Variants in RAD51B observed in about 807,000 individuals in gnomAD.
RAD51B encodes DNA repair protein RAD51 homolog 2.
In RAD51B, 38 loss-of-function variants were observed where a neutral mutation model predicts 42.2. The ratio of observed to expected loss-of-function variants is 0.90; its 90% confidence interval spans 0.70 to 1.18. The LOEUF (loss-of-function observed/expected upper bound fraction) is 1.18, where lower values mean the gene tolerates loss of function less well. Ranked by LOEUF, RAD51B falls within the 50% of genes most tolerant of loss-of-function variation. RAD51B has a pLI of 0.00. For synonymous variants in RAD51B, 154 were observed against 145.2 expected, an observed-to-expected ratio of 1.06 and a Z score of -0.43; for missense variants, 373 against 400.7, an observed-to-expected ratio of 0.93 and a Z score of 0.59.
chr14:68,093,257 A>G (rs903788577), intron 7 of RAD51B, among the ~76,000 whole-genome samples: 1 of 152,178 alleles, frequency 6.6e-6, no homozygotes, highest in African/African-American at 2.4e-5. Flanking sequence ...ATTGATAGGA[A>G]TAGTTTCAGA....
At chr14:68,613,666 G>A (rs1011675096), downstream of RAD51B, among the ~76,000 whole-genome samples, 3 of 151,918 alleles carry the variant, frequency 2.0e-5, no homozygotes, top group Non-Finnish European at 4.4e-5. Flanking sequence ...GTGTTAGCCA[G>A]GATGGTCTCG....
chr14:68,315,921 AG>A (rs1238901866), intron 8 of RAD51B, among the ~76,000 whole-genome samples: 1 of 152,238 alleles, frequency 6.6e-6, no homozygotes, highest in African/African-American at 2.4e-5. Flanking sequence ...AATATTAACT[AG>A]GGCTTATCTG....
rs146379088 is a variant in RAD51B, at chr14:68,172,443, C to G, written c.757-119441C>G. ...CTAATTTGGAGAATAAGAAGGTTAG[C>G]TAGATTAAGAGGCTTTCCTAAGTCA... On this transcript the variant is annotated intron_variant, in intron 7 of 10. Transcript: ENST00000471583. 3.7e-3 allele frequency among the ~76,000 whole-genome samples: 562 copies of G among 152,274 alleles called. 1 individual carries two copies. The highest frequency in any genetic ancestry group is 6.8e-3 in the Middle Eastern group (2 of 294).
intron 7 of RAD51B, among the ~76,000 whole-genome samples, chr14:67,977,130 T>C (rs2075011063): frequency 6.6e-6 from 1 of 152,244 alleles, no homozygotes; most frequent in African/African-American, 2.4e-5. Context: ...TGCCTTTCTT[T>C]ATTTTTAATT....
chr14:68,048,883 A>G (rs1222011335), intron 7 of RAD51B, among the ~76,000 whole-genome samples: 1 of 152,222 alleles, frequency 6.6e-6, no homozygotes, highest in Non-Finnish European at 1.5e-5. Flanking sequence ...AATATAAATC[A>G]TTCTGCTATA....
At chr14:68,492,275 C>T (rs79641695) in intron 10 of RAD51B, among the ~76,000 whole-genome samples, 21,221 of 152,202 alleles carry the variant, frequency 0.14, 2,000 homozygotes, top group Non-Finnish European at 0.21. Flanking sequence ...AAGTACTTAT[C>T]GCTATACAAG....
At chr14:68,422,209 A>G (rs1326358482) in intron 9 of RAD51B, 8 of 1,030,500 alleles carry the variant, frequency 7.8e-6, no homozygotes, top group Non-Finnish European at 1.2e-5. Flanking sequence ...CTAATAGTAC[A>G]CGGTTTTCCT....
intron 10 of RAD51B, among the ~76,000 whole-genome samples, chr14:68,554,077 C>G (rs1459567395): frequency 6.6e-6 from 1 of 152,130 alleles, no homozygotes; most frequent in African/African-American, 2.4e-5. Context: ...GTGGGTCCCC[C>G]ATTTTCAAAG....
intron 7 of RAD51B, among the ~76,000 whole-genome samples, chr14:67,960,480 T>G (rs2074641229): frequency 6.6e-6 from 1 of 152,172 alleles, no homozygotes; most frequent in African/African-American, 2.4e-5. Flanking sequence ...AAAAATAGAT[T>G]TTTGTTCTAG....
chr14:68,023,415 C>T (rs539045236), intron 7 of RAD51B, among the ~76,000 whole-genome samples: 1 of 152,138 alleles, frequency 6.6e-6, no homozygotes, highest in Non-Finnish European at 1.5e-5. Flanking sequence ...GCAACCTCCG[C>T]CTCCCAGGTT....
chr14:68,438,834 T>G (rs77091920), intron 9 of RAD51B, among the ~76,000 whole-genome samples: 8,293 of 152,260 alleles, frequency 0.054, 711 homozygotes, highest in African/African-American at 0.18. Context: ...TGTCTCCCTC[T>G]CCACTGAATT....
At chr14:68,591,583 C>T (rs1263605900) in intron 10 of RAD51B, among the ~76,000 whole-genome samples, 1 of 152,186 alleles carries the variant, frequency 6.6e-6, no homozygotes, top group Non-Finnish European at 1.5e-5. Flanking sequence ...GCTCTTCTTC[C>T]CTGGGCCTCT....
intron 8 of RAD51B, among the ~76,000 whole-genome samples, chr14:68,297,619 G>T (rs2081640017): frequency 6.6e-6 from 1 of 152,164 alleles, no homozygotes; most frequent in Non-Finnish European, 1.5e-5. Context: ...TCCACTCCTT[G>T]GGGGTATGGT....
intron 7 of RAD51B, among the ~76,000 whole-genome samples, chr14:68,129,445 C>A (rs1409949433): frequency 2.0e-5 from 3 of 152,216 alleles, no homozygotes; most frequent in Admixed American, 6.5e-5. Context: ...CTACATTGTA[C>A]CTAGTGTCTG....
At chr14:68,608,034 G>A (rs556658589) in intron 10 of RAD51B, among the ~76,000 whole-genome samples, 6 of 152,342 alleles carry the variant, frequency 3.9e-5, no homozygotes, top group African/African-American at 1.4e-4. Context: ...GAGGCCAAAG[G>A]TTCTGAGAGG....
intron 4 of RAD51B, among the ~76,000 whole-genome samples, chr14:67,860,171 C>A (rs373540539): frequency 6.6e-6 from 1 of 152,080 alleles, no homozygotes; most frequent in South Asian, 2.1e-4. Context: ...GCATAGAAAT[C>A]TTTGAAGATG....
chr14:67,882,156 A>G (rs938174545), intron 5 of RAD51B, among the ~76,000 whole-genome samples: 4 of 151,966 alleles, frequency 2.6e-5, no homozygotes, highest in African/African-American at 9.7e-5. Flanking sequence ...AATTTTTAGT[A>G]CAGATAAGGT....
intron 4 of RAD51B, among the ~76,000 whole-genome samples, chr14:67,849,812 T>C (rs1329119809): frequency 1.6e-4 from 25 of 152,232 alleles, no homozygotes; most frequent in Admixed American, 1.6e-3. Flanking sequence ...TTCAGTCTTT[T>C]CTTTTATATC....
At position 68,291,868 on chromosome 14, in the gene RAD51B, C is replaced by A; in HGVS notation, c.757-16C>A. The A allele has an allele frequency of 6.3e-7, 1 of 1,596,784 alleles. No homozygotes were observed. The highest frequency in any genetic ancestry group is 1.3e-5 in the African/African-American group (1 of 74,518). On this transcript the variant is annotated splice_polypyrimidine_tract_variant and intron_variant, in intron 7 of 10. Coordinates refer to ENST00000471583, the MANE Select transcript of RAD51B (RefSeq NM_133510.4). ...TTCTCCCTTGCCCCCTACCCCTTCT[C>A]CCTGTCTGTTCACAGGTTATCTTGA...
Sources: gnomAD v4.1 joint callset for allele counts (sites outside exome capture counted in the v4.1 genomes callset) on GRCh38, gnomAD v4.1.1 for gene constraint, MANE v1.5 for transcripts, NCBI Gene and HGNC (gene_info 2026-07-23, HGNC 2026-07-21) for gene names.